PTPRD: variants seen among roughly 807,000 people sequenced by gnomAD.
PTPRD encodes the protein receptor-type tyrosine-protein phosphatase delta.
In PTPRD, 34 loss-of-function variants were observed where a neutral mutation model predicts 214.5. That is an observed-to-expected ratio of 0.16 (90% CI 0.12 to 0.21). PTPRD has a LOEUF of 0.21. PTPRD is among the 10% of genes least tolerant of loss of function. The pLI is 1.00. For synonymous variants in PTPRD, 1,128 were observed against 845.7 expected, an observed-to-expected ratio of 1.33 and a Z score of -5.79; for missense variants, 2,545 against 2,398.7, an observed-to-expected ratio of 1.06 and a Z score of -1.27.
At chr9:8,912,712 A>G (rs61072807) in intron 11 of PTPRD, among the ~76,000 whole-genome samples, 89 of 152,322 alleles carry the variant, frequency 5.8e-4, no homozygotes, top group African/African-American at 2.0e-3. Flanking sequence ...GAAATGTATA[A>G]TTTTTTAAAA....
At chr9:10,018,168 T>G in intron 4 of PTPRD, among the ~76,000 whole-genome samples, 1 of 141,324 alleles carries the variant, frequency 7.1e-6, no homozygotes, top group Admixed American at 7.3e-5. Context: ...AGAGGAAGAA[T>G]GTGAGGGAGG....
At chr9:10,106,821 A>T (rs2098638002) in intron 3 of PTPRD, among the ~76,000 whole-genome samples, 1 of 152,044 alleles carries the variant, frequency 6.6e-6, no homozygotes, top group African/African-American at 2.4e-5. Context: ...AAATATGTAA[A>T]ATGTCTATAT....
intron 7 of PTPRD, among the ~76,000 whole-genome samples, chr9:9,673,735 C>G (rs141340893): frequency 1.3e-5 from 2 of 149,530 alleles, no homozygotes; most frequent in Admixed American, 1.3e-4. Flanking sequence ...AAAAAGCATA[C>G]CTGGATACAC....
intron 20 of PTPRD, among the ~76,000 whole-genome samples, chr9:8,519,149 A>G (rs2097844182): frequency 6.6e-6 from 1 of 152,220 alleles, no homozygotes; most frequent in African/African-American, 2.4e-5. Flanking sequence ...CTTAATATTT[A>G]AAAATTGCTG....
rs552401870 is a variant in PTPRD at position 10,252,159 on chromosome 9, G to C, written c.-545+88804C>G. On this transcript the variant is annotated intron_variant, in intron 3 of 45. Transcript: ENST00000381196. ...ATAATTTTTTAAACTAAAAAAGAGA[G>C]AGAGAGAGAACCTATGTCTTCTTTC... is the stretch of plus-strand genomic sequence containing the variant. 1.6e-4 allele frequency among the ~76,000 whole-genome samples: 24 copies of C among 150,458 alleles called. No homozygotes were observed. The South Asian group carries it at 5.2e-3, about 32-fold the overall frequency.
chr9:9,810,909 G>A (rs181341193), intron 5 of PTPRD, among the ~76,000 whole-genome samples: 13 of 151,632 alleles, frequency 8.6e-5, no homozygotes, highest in Admixed American at 7.2e-4. Flanking sequence ...AAGAACATTT[G>A]TGATTCATGG....
chr9:8,886,763 G>A (rs778791854), intron 11 of PTPRD, among the ~76,000 whole-genome samples: 3 of 152,126 alleles, frequency 2.0e-5, no homozygotes, highest in African/African-American at 4.8e-5. Flanking sequence ...CCGTGCAATA[G>A]TGTTTGTTGT....
intron 14 of PTPRD, among the ~76,000 whole-genome samples, chr9:8,603,171 G>A (rs1364609115): frequency 6.6e-6 from 1 of 152,102 alleles, no homozygotes; most frequent in East Asian, 1.9e-4. Flanking sequence ...AACTTGCATT[G>A]ACTTCAGAGG....
rs2097300298 is a variant in PTPRD at position 8,497,378 on chromosome 9, A to G, written c.2323-110T>C. On this transcript the variant is annotated intron_variant, in intron 25 of 45. Coordinates refer to ENST00000381196, the MANE Select transcript of PTPRD (RefSeq NM_002839.4). ...TAGATTAAAAAAATCAAAAAAATAA[A>G]GCAGTGTGTACAATAAAATTCCAAA... is the stretch of plus-strand genomic sequence containing the variant. 5 of 867,710 alleles carry G rather than the reference A, an allele frequency of 5.8e-6. No individual in the cohort carries two copies. In the East Asian group the frequency reaches 1.5e-4, roughly 26 times the overall value. The allele number at this position is 867,710 out of a possible 1,614,324, so 53.8% of individuals were successfully genotyped here.
intron 10 of PTPRD, among the ~76,000 whole-genome samples, chr9:9,075,027 T>C (rs902241284): frequency 6.6e-6 from 1 of 152,012 alleles, no homozygotes; most frequent in Non-Finnish European, 1.5e-5. Flanking sequence ...TTAATTATAA[T>C]TGTACAAAAA....
At chr9:10,315,743 C>A (rs1300663196) in intron 3 of PTPRD, among the ~76,000 whole-genome samples, 1 of 151,852 alleles carries the variant, frequency 6.6e-6, no homozygotes, top group Non-Finnish European at 1.5e-5. Flanking sequence ...AGCAATAGGC[C>A]CCATGGAACT....
rs141307202 is a variant in PTPRD, at chr9:9,326,581, A to C, written c.-203+70868T>G. ...TTCTGAAAATAAAAAAAGAAAAATG[A>C]AAAGAATATAAATTACCATAAAACA... On this transcript the variant is annotated intron_variant, in intron 9 of 45. Transcript: ENST00000381196. Among the ~76,000 whole-genome samples, 50 of 152,162 alleles carry C rather than the reference A, an allele frequency of 3.3e-4. 2 individuals carry two copies. In the East Asian group the frequency reaches 9.5e-3, roughly 29 times the overall value.
intron 5 of PTPRD, among the ~76,000 whole-genome samples, chr9:9,928,845 G>C (rs890954959): frequency 1.3e-5 from 2 of 151,010 alleles, no homozygotes; most frequent in East Asian, 3.9e-4. Context: ...CTTTAAACTT[G>C]ATGCTTTGGT....
chr9:8,853,208 T>G (rs2097851982), intron 11 of PTPRD, among the ~76,000 whole-genome samples: 1 of 152,186 alleles, frequency 6.6e-6, no homozygotes, highest in Non-Finnish European at 1.5e-5. Flanking sequence ...ATGGCATTAT[T>G]ATTTAGGTTA....
At chr9:10,500,938 G>A (rs2043492118) in intron 2 of PTPRD, among the ~76,000 whole-genome samples, 1 of 151,794 alleles carries the variant, frequency 6.6e-6, no homozygotes, top group Non-Finnish European at 1.5e-5. Flanking sequence ...CCGTTCATCT[G>A]CTAATGGACA....
intron 10 of PTPRD, among the ~76,000 whole-genome samples, chr9:9,133,936 A>G (rs1329370885): frequency 6.6e-6 from 1 of 152,038 alleles, no homozygotes; most frequent in African/African-American, 2.4e-5. Flanking sequence ...GAAGACTTCC[A>G]TACTCTAATA....
At chr9:8,904,533 A>C (rs1290046458) in intron 11 of PTPRD, among the ~76,000 whole-genome samples, 1 of 151,986 alleles carries the variant, frequency 6.6e-6, no homozygotes, top group African/African-American at 2.4e-5. Flanking sequence ...TTAGCCAGCT[A>C]TGGTGGCGCA....
At chr9:9,726,195 C>G (rs139245370) in intron 7 of PTPRD, among the ~76,000 whole-genome samples, 1 of 152,158 alleles carries the variant, frequency 6.6e-6, no homozygotes, top group South Asian at 2.1e-4. Context: ...AGAACCTCCT[C>G]GGTTAACTCC....
At chr9:8,867,510 G>A (rs1046250794) in intron 11 of PTPRD, among the ~76,000 whole-genome samples, 4 of 152,154 alleles carry the variant, frequency 2.6e-5, no homozygotes, top group African/African-American at 7.2e-5. Flanking sequence ...TCAAGCGGAG[G>A]TAAGAAGGAA....
Sources: allele counts gnomAD v4.1 joint callset (sites outside exome capture counted in the v4.1 genomes callset), GRCh38; gene constraint gnomAD v4.1.1; transcripts MANE v1.5; gene names NCBI Gene and HGNC (gene_info 2026-07-23, HGNC 2026-07-21).